The following PLEKHH2 variants were observed in gnomAD, a reference collection of about 807,000 sequenced individuals.
The protein encoded by PLEKHH2 is pleckstrin homology, MyTH4 and FERM domain containing H2.
In PLEKHH2, 129 loss-of-function variants were observed where a neutral mutation model predicts 187.9. The ratio of observed to expected loss-of-function variants is 0.69; its 90% CI spans 0.59 to 0.79. The LOEUF is 0.79. Ranked by LOEUF, PLEKHH2 falls within the 30% of genes least tolerant of loss-of-function variation. The probability of loss-of-function intolerance (pLI) is 0.00; values close to 1 mark genes in which losing one functional copy is unlikely to be tolerated. For missense variants in PLEKHH2, 2,076 were observed against 1,751.2 expected (o/e 1.19, Z -3.31); for synonymous variants, 686 against 605.6 (o/e 1.13, Z -1.95).
intron 2 of PLEKHH2, among the ~76,000 whole-genome samples, chr2:43,676,520 G>A (rs1023141579): frequency 1.3e-5 from 2 of 152,020 alleles, no homozygotes; most frequent in Non-Finnish European, 2.9e-5. Flanking sequence ...CCGGGCTGCT[G>A]CGGGTGAGAG....
At chr2:43,713,119 CAT>C (rs1670049563) in intron 15 of PLEKHH2, among the ~76,000 whole-genome samples, 1 of 152,100 alleles carries the variant, frequency 6.6e-6, no homozygotes, top group Admixed American at 6.6e-5. Flanking sequence ...CACACACACG[CAT>C]ATATATCTCC....
In PLEKHH2 at chr2:43,765,950, G is replaced by C. The variant is rs17031437; in HGVS notation, c.*352G>C. The C allele has an allele frequency of 0.016, 3,004 of 184,588 alleles. 108 individuals carry two copies. Among genetic ancestry groups the C allele is most frequent in the African/African-American group, 0.065 (2,773 of 42,632 alleles). 11.4% of individuals were successfully genotyped at this position (184,588 alleles called of 1,614,324 possible). On this transcript the variant is annotated 3_prime_UTR_variant, in exon 30 of 30. Coordinates refer to ENST00000282406, the MANE Select transcript of PLEKHH2 (RefSeq NM_172069.4). ...AATATTCTGGCAATCTTTAGAAAGG[G>C]AGATTCCAAACTCCCATTTGGTAAA...
intron 4 of PLEKHH2, among the ~76,000 whole-genome samples, chr2:43,693,118 A>G (rs535416527): frequency 2.0e-5 from 3 of 151,682 alleles, no homozygotes; most frequent in Admixed American, 6.6e-5. Flanking sequence ...TTTTTTAAGA[A>G]GAGAAAGGGT....
Position 43,741,042 on chromosome 2 carries a change from A to G in PLEKHH2, c.3220A>G (p.Arg1074Gly), listed in dbSNP as rs1183391048. ...RLHLKRNADSRTEFGKYAIYC... is the reference protein window; with the variant it reads ...RLHLKRNADSGTEFGKYAIYC... ...TCACCTAAAGAGGAATGCAGATTCC[A>G]GGTGTGCAGAATACTAGCCAGCTGA... is the stretch of plus-strand genomic sequence containing the variant. The change falls in exon 21 of 30, where the codon AGG becomes GGG. Residue 1074 changes from arginine (R) to glycine (G), a missense_variant and splice_region_variant. Coordinates refer to ENST00000282406, the MANE Select transcript of PLEKHH2 (RefSeq NM_172069.4). 6.2e-7 allele frequency: 1 copy of G among 1,608,950 alleles called. No individual in the cohort carries two copies. Among genetic ancestry groups the G allele is most frequent in the East Asian group, 2.2e-5 (1 of 44,836 alleles).
At chr2:43,730,529 G>T (rs764828695) in intron 18 of PLEKHH2, among the ~76,000 whole-genome samples, 1 of 152,182 alleles carries the variant, frequency 6.6e-6, no homozygotes, top group Admixed American at 6.5e-5. Context: ...CTCCTGAGTA[G>T]CTGGGACCAC....
intron 15 of PLEKHH2, among the ~76,000 whole-genome samples, chr2:43,717,499 T>G (rs1445541679): frequency 6.6e-6 from 1 of 151,920 alleles, no homozygotes; most frequent in African/African-American, 2.4e-5. Flanking sequence ...TGGGAGGAAT[T>G]GGGAGGAAGT....
chr2:43,709,628 G>C (rs561809217), intron 11 of PLEKHH2, among the ~76,000 whole-genome samples: 1 of 152,280 alleles, frequency 6.6e-6, no homozygotes, highest in African/African-American at 2.4e-5. Context: ...ACGAGGTCAA[G>C]AGATCGAGAC....
At chr2:43,644,624 G>C in intron 1 of PLEKHH2, 47 bp from the exon 2 acceptor site, 1 of 1,381,796 alleles carries the variant, frequency 7.2e-7, no homozygotes, top group Non-Finnish European at 9.8e-7. Flanking sequence ...TGTAGCATTT[G>C]AATGTTTTAC....
chr2:43,733,392 C>T (rs922852633), intron 19 of PLEKHH2, among the ~76,000 whole-genome samples: 1 of 150,570 alleles, frequency 6.6e-6, no homozygotes, highest in Non-Finnish European at 1.5e-5. Context: ...AATCCCTCCA[C>T]TTAATAGACA....
intron 25 of PLEKHH2, among the ~76,000 whole-genome samples, chr2:43,756,154 C>T (rs980695362): frequency 1.5e-4 from 23 of 152,036 alleles, no homozygotes; most frequent in South Asian, 4.2e-4. Context: ...ACTCTATTCC[C>T]GGGATTAATG....
intron 27 of PLEKHH2, among the ~76,000 whole-genome samples, chr2:43,760,748 A>G (rs551403781): frequency 8.0e-5 from 12 of 150,440 alleles, no homozygotes; most frequent in African/African-American, 2.9e-4. Context: ...TCATCTAAAC[A>G]CTTTTTTATT....
At chr2:43,715,299 A>C (rs960500850) in intron 15 of PLEKHH2, among the ~76,000 whole-genome samples, 1 of 152,172 alleles carries the variant, frequency 6.6e-6, no homozygotes, top group African/African-American at 2.4e-5. Flanking sequence ...AAGAAAAAAA[A>C]AATCTCGAAG....
At position 43,767,172 on chromosome 2, in the gene PLEKHH2, C is replaced by T. The variant is rs191851685; in HGVS notation, c.*1574C>T. 2.1e-3 allele frequency: 315 copies of T among 152,382 alleles called. No individual in the cohort carries two copies. The highest frequency in any genetic ancestry group is 7.2e-3 in the African/African-American group (299 of 41,464). 9.4% of individuals were successfully genotyped at this position (152,382 alleles called of 1,614,324 possible). Reference sequence around the variant, plus strand: ...AGAATATTTGTATTTATTTTTTGGACATATATTTATCACTTTGTCATTTTT... The same window carrying T: ...AGAATATTTGTATTTATTTTTTGGATATATATTTATCACTTTGTCATTTTT... On this transcript the variant is annotated 3_prime_UTR_variant, in exon 30 of 30. Coordinates refer to ENST00000282406, the MANE Select transcript of PLEKHH2 (RefSeq NM_172069.4).
intron 1 of PLEKHH2, among the ~76,000 whole-genome samples, chr2:43,638,205 C>A (rs1052516258): frequency 2.6e-5 from 4 of 151,540 alleles, no homozygotes; most frequent in Admixed American, 1.3e-4. Flanking sequence ...TCAGAAGGTT[C>A]CTTAAACAAG....
chr2:43,699,500 C>T (rs1669248387), intron 7 of PLEKHH2, 147 bp from the exon 8 acceptor site: 1 of 961,828 alleles, frequency 1.0e-6, no homozygotes. Flanking sequence ...GCCTCAGCCT[C>T]CCAAGTAGCT....
chr2:43,697,497 T>G (rs1669149901), intron 7 of PLEKHH2, 141 bp downstream of exon 7: 1 of 687,898 alleles, frequency 1.5e-6, no homozygotes, highest in Non-Finnish European at 2.2e-6. Context: ...TAAAGAGCAA[T>G]ACAACATTTA....
intron 2 of PLEKHH2, among the ~76,000 whole-genome samples, chr2:43,667,459 A>G (rs1454454104): frequency 6.6e-6 from 1 of 152,244 alleles, no homozygotes; most frequent in African/African-American, 2.4e-5. Context: ...GAAAATGGAC[A>G]AGTCCACACA....
chr2:43,727,389 C>T (rs1275075724), intron 17 of PLEKHH2, among the ~76,000 whole-genome samples: 3 of 116,436 alleles, frequency 2.6e-5, no homozygotes, highest in South Asian at 2.8e-4. Context: ...TCCAGCCTGG[C>T]GACAGAGCGA....
chr2:43,675,285 G>C, intron 2 of PLEKHH2: 1 of 741,966 alleles, frequency 1.3e-6, no homozygotes, highest in Non-Finnish European at 2.1e-6. Flanking sequence ...ATTGAATGAA[G>C]TACGTATTTT....
Sources: allele counts gnomAD v4.1 joint callset (sites outside exome capture counted in the v4.1 genomes callset), GRCh38; gene constraint gnomAD v4.1.1; transcripts MANE v1.5; gene names NCBI Gene and HGNC (gene_info 2026-07-23, HGNC 2026-07-21).